CDH12: variants seen among roughly 807,000 people sequenced by gnomAD.
The protein encoded by CDH12 is cadherin 12, also known as cadherin-12.
CDH12 carries 41 observed loss-of-function variants against 74.1 expected under a neutral mutation model. The ratio of observed to expected loss-of-function variants is 0.55; its 90% confidence interval spans 0.43 to 0.72. The LOEUF (loss-of-function observed/expected upper bound fraction) is 0.72. Among genes scored for constraint, CDH12 ranks in the 30% least tolerant of loss-of-function variants. CDH12 has a pLI of 0.00. For synonymous variants in CDH12, 399 were observed against 355.0 expected, an observed-to-expected ratio of 1.12 and a Z score of -1.39; for missense variants, 945 against 977.2, an observed-to-expected ratio of 0.97 and a Z score of 0.44.
At chr5:22,729,060 A>T (rs1012481384) in intron 1 of CDH12, among the ~76,000 whole-genome samples, 5 of 151,894 alleles carry the variant, frequency 3.3e-5, no homozygotes, top group African/African-American at 1.2e-4. Context: ...CCTCTGTATT[A>T]ATGAATGTTC....
intron 1 of CDH12, among the ~76,000 whole-genome samples, chr5:22,788,469 T>TA (rs1747750798): frequency 6.6e-6 from 1 of 150,808 alleles, no homozygotes; most frequent in Non-Finnish European, 1.5e-5. Flanking sequence ...TTATTATAAT[T>TA]AAAATGCATT....
At chr5:22,109,169 C>T (rs1744673159) in intron 4 of CDH12, among the ~76,000 whole-genome samples, 2 of 152,102 alleles carry the variant, frequency 1.3e-5, no homozygotes, top group African/African-American at 4.8e-5. Context: ...TCTTGTGTTT[C>T]TGTATAGCCT....
Position 21,751,622 on chromosome 5 carries a change from GTGTGTGTGTT to G in CDH12, c.*105_*114del, listed in dbSNP as rs1561149663. ...ATCTTGTCCCAGAGTGTGTGTGTGT[GTGTGTGTGTT>G]TGTGTGTGTGTGTGTGTGTGAGAGA... On this transcript the variant is annotated 3_prime_UTR_variant, in exon 15 of 15. Transcript: ENST00000382254. 231 of 581,172 alleles carry G rather than the reference GTGTGTGTGTT, an allele frequency of 4.0e-4. 1 individual carries two copies. The highest frequency in any genetic ancestry group is 9.1e-4 in the South Asian group (44 of 48,108). The allele number at this position is 581,172 out of a possible 1,614,324, so 36.0% of individuals were successfully genotyped here. A position where few individuals can be genotyped will look rare whatever the true frequency, so the allele number is the denominator to read the frequency against.
chr5:22,723,247 ACTT>A (rs1485181535), intron 1 of CDH12, among the ~76,000 whole-genome samples: 1 of 152,080 alleles, frequency 6.6e-6, no homozygotes, highest in African/African-American at 2.4e-5. Flanking sequence ...AAATAAACTC[ACTT>A]CTTCACACAT....
chr5:22,011,588 T>C (rs1192538957), intron 5 of CDH12, among the ~76,000 whole-genome samples: 1 of 152,196 alleles, frequency 6.6e-6, no homozygotes, highest in Non-Finnish European at 1.5e-5. Flanking sequence ...TGGAATACAC[T>C]GCTAGAAACT....
chr5:22,044,943 A>G (rs373277223), intron 5 of CDH12, among the ~76,000 whole-genome samples: 35 of 152,336 alleles, frequency 2.3e-4, no homozygotes, highest in African/African-American at 8.2e-4. Context: ...AAATAGACAA[A>G]TGGGATTAAA....
chr5:22,254,599 A>C (rs1387867795), intron 3 of CDH12, among the ~76,000 whole-genome samples: 1 of 151,848 alleles, frequency 6.6e-6, no homozygotes, highest in Admixed American at 6.6e-5. Flanking sequence ...TCATCTGTTC[A>C]ACAAACCCCA....
At position 22,492,691 on chromosome 5, in the gene CDH12, A is replaced by G. The variant is rs192709067; in HGVS notation, c.-428+12579T>C. Among the ~76,000 whole-genome samples the G allele has an allele frequency of 2.2e-3, 332 of 152,092 alleles. 5 individuals are homozygous for G. In the South Asian group the frequency reaches 0.04, roughly 18 times the overall value. On this transcript the variant is annotated intron_variant, in intron 2 of 14. Coordinates refer to ENST00000382254, the MANE Select transcript of CDH12 (RefSeq NM_004061.5). ...ACTTCTTTTGTTTATTCATTCCTCT[A>G]TGAATATGCAGTTCTTATATTGGCT...
chr5:22,292,878 G>A (rs1055114791), intron 3 of CDH12, among the ~76,000 whole-genome samples: 1 of 152,214 alleles, frequency 6.6e-6, no homozygotes, highest in Non-Finnish European at 1.5e-5. Flanking sequence ...CTTTTCAAAG[G>A]TTCTGCTTGT....
chr5:22,400,709 T>G (rs1427125573), intron 3 of CDH12, among the ~76,000 whole-genome samples: 1 of 152,182 alleles, frequency 6.6e-6, no homozygotes, highest in Non-Finnish European at 1.5e-5. Context: ...AAATGCTTTT[T>G]AGCCCCTTTT....
At chr5:21,969,746 A>C (rs1756753517) in intron 6 of CDH12, among the ~76,000 whole-genome samples, 1 of 152,212 alleles carries the variant, frequency 6.6e-6, no homozygotes, top group Non-Finnish European at 1.5e-5. Context: ...CTAATGTATT[A>C]TGCCATAATA....
chr5:22,579,748 T>G (rs1367771984), intron 1 of CDH12, among the ~76,000 whole-genome samples: 1 of 152,196 alleles, frequency 6.6e-6, no homozygotes, highest in Non-Finnish European at 1.5e-5. Flanking sequence ...TAGAGTAAAA[T>G]CACATTTTTA....
At position 22,491,625 on chromosome 5, in the gene CDH12, A is replaced by AC. The variant is rs1746873999; in HGVS notation, c.-428+13644_-428+13645insG. On this transcript the variant is annotated intron_variant, in intron 2 of 14. Transcript: ENST00000382254. Reference sequence around the variant, plus strand: ...AGCTAATGAGCAAAAAAAAAAACAAAAAAAAAAACAAAAACAACAACAATA... The same window carrying AC: ...AGCTAATGAGCAAAAAAAAAAACAAACAAAAAAAACAAAAACAACAACAATA... Among the ~76,000 whole-genome samples the AC allele has an allele frequency of 2.2e-5, 3 of 138,104 alleles. No homozygotes were observed. In the South Asian group the frequency reaches 6.8e-4, roughly 31 times the overall value. The allele number at this position is 138,104 out of a possible 152,430, so 90.6% of individuals were successfully genotyped here.
chr5:22,333,813 C>A (rs190089356), intron 3 of CDH12, among the ~76,000 whole-genome samples: 5 of 152,228 alleles, frequency 3.3e-5, no homozygotes, highest in Admixed American at 3.3e-4. Context: ...CCCAGGGATG[C>A]AAGAATGGTT....
intron 2 of CDH12, among the ~76,000 whole-genome samples, chr5:22,500,024 T>C (rs1272715563): frequency 2.0e-5 from 3 of 152,114 alleles, no homozygotes; most frequent in Admixed American, 1.3e-4. Context: ...CTTGAATAAC[T>C]GATTTTTTTT....
At chr5:22,165,088 G>A (rs555009093) in intron 4 of CDH12, among the ~76,000 whole-genome samples, 153 of 151,216 alleles carry the variant, frequency 1.0e-3, no homozygotes, top group African/African-American at 3.5e-3. Context: ...CTTTGGCCCC[G>A]ACATTCTATT....
rs143180404 is a variant in CDH12 at position 22,569,888 on chromosome 5, T to C, written c.-522-64524A>G. 1.6e-4 allele frequency among the ~76,000 whole-genome samples: 25 copies of C among 152,276 alleles called. 1 individual carries two copies. The East Asian group carries it at 4.8e-3, about 29-fold the overall frequency. ...TTCCAAACTTGTGTTAAGGTTGATA[T>C]TTTGACCTCCTCCCATCAATCACAA... On this transcript the variant is annotated intron_variant, in intron 1 of 14. Transcript: ENST00000382254.
At chr5:22,400,617 C>T (rs936122279) in intron 3 of CDH12, among the ~76,000 whole-genome samples, 1 of 151,686 alleles carries the variant, frequency 6.6e-6, no homozygotes, top group Non-Finnish European at 1.5e-5. Context: ...ACTGAAGTTG[C>T]AAAACAGATA....
At chr5:22,480,413 T>C (rs145920819) in intron 2 of CDH12, among the ~76,000 whole-genome samples, 87 of 151,616 alleles carry the variant, frequency 5.7e-4, no homozygotes, top group African/African-American at 2.1e-3. Flanking sequence ...TGAAACTTTG[T>C]CTCTACAAAA....
Sources: allele counts gnomAD v4.1 joint callset (sites outside exome capture counted in the v4.1 genomes callset), GRCh38; gene constraint gnomAD v4.1.1; transcripts MANE v1.5; gene names NCBI Gene and HGNC (gene_info 2026-07-23, HGNC 2026-07-21).